RIMS2: variants seen among roughly 807,000 people sequenced by gnomAD.
RIMS2 encodes the protein regulating synaptic membrane exocytosis 2, also known as regulating synaptic membrane exocytosis protein 2.
Under a neutral mutation model 174.4 loss-of-function variants are expected in RIMS2, and 59 were observed. That is an observed-to-expected ratio of 0.34 (90% CI 0.27 to 0.42). The LOEUF (loss-of-function observed/expected upper bound fraction) is 0.42. Ranked by LOEUF, RIMS2 falls within the 10% of genes least tolerant of loss-of-function variation. The probability of loss-of-function intolerance (pLI) is 1.00; values close to 1 mark genes in which losing one functional copy is unlikely to be tolerated. For missense variants in RIMS2, 1,620 were observed against 1,666.3 expected (o/e 0.97, Z 0.48); for synonymous variants, 606 against 572.5 (o/e 1.06, Z -0.84).
chr8:103,957,132 A>G (rs1565521182), intron 14 of RIMS2, among the ~76,000 whole-genome samples: 1 of 152,150 alleles, frequency 6.6e-6, no homozygotes, highest in Non-Finnish European at 1.5e-5. Flanking sequence ...AGAAATAGGA[A>G]CGCTTTTACA....
intron 19 of RIMS2, among the ~76,000 whole-genome samples, chr8:104,123,379 G>A (rs1467274515): frequency 1.3e-5 from 2 of 151,814 alleles, no homozygotes; most frequent in Non-Finnish European, 2.9e-5. Flanking sequence ...GAATGCACTA[G>A]TTCATTCTAC....
intron 1 of RIMS2, among the ~76,000 whole-genome samples, chr8:103,635,810 G>C (rs1289582030): frequency 6.6e-6 from 1 of 152,166 alleles, no homozygotes; most frequent in African/African-American, 2.4e-5. Flanking sequence ...CCTAAAGGCT[G>C]GAATGGCTAA....
At chr8:103,566,629 A>G (rs1248756978) in intron 1 of RIMS2, among the ~76,000 whole-genome samples, 1 of 152,202 alleles carries the variant, frequency 6.6e-6, no homozygotes, top group Non-Finnish European at 1.5e-5. Flanking sequence ...ATCTAATTGT[A>G]TGCTAAATTT....
intron 2 of RIMS2, among the ~76,000 whole-genome samples, chr8:103,754,365 A>G (rs1019027352): frequency 6.6e-6 from 1 of 152,128 alleles, no homozygotes; most frequent in African/African-American, 2.4e-5. Context: ...GGTCAGTTTT[A>G]GAATAAGTGC....
At chr8:104,173,595 A>G (rs2098844885) in intron 19 of RIMS2, among the ~76,000 whole-genome samples, 1 of 131,124 alleles carries the variant, frequency 7.6e-6, no homozygotes, top group Non-Finnish European at 1.7e-5. Flanking sequence ...TAAAATATTT[A>G]CTACCTTAGC....
chr8:103,583,065 C>G (rs2093703923), intron 1 of RIMS2, among the ~76,000 whole-genome samples: 1 of 152,242 alleles, frequency 6.6e-6, no homozygotes, highest in Non-Finnish European at 1.5e-5. Flanking sequence ...TCACTCCACC[C>G]TCAGCTTTAG....
intron 11 of RIMS2, among the ~76,000 whole-genome samples, chr8:103,929,239 T>A (rs2154531274): frequency 6.6e-6 from 1 of 151,858 alleles, no homozygotes; most frequent in African/African-American, 2.4e-5. Context: ...TTGATAATAT[T>A]AGTAACTGAT....
rs530869290 is a variant in RIMS2, at chr8:104,223,921, C to T, written c.3335-20995C>T. Reference sequence around the variant, plus strand: ...GCCCCTCTGCTCTCCGGGACTGTGCCGGGGGCGACAGCCCTAGAGCACGTC... The same window carrying T: ...GCCCCTCTGCTCTCCGGGACTGTGCTGGGGGCGACAGCCCTAGAGCACGTC... On this transcript the variant is annotated intron_variant, in intron 19 of 23. Coordinates refer to ENST00000504942, the Ensembl canonical transcript of RIMS2. The T allele has an allele frequency of 3.4e-5, 25 of 739,158 alleles. No individual in the cohort carries two copies. The Admixed American group carries it at 4.5e-4, about 13-fold the overall frequency. 45.8% of individuals were successfully genotyped at this position (739,158 alleles called of 1,614,324 possible).
At chr8:104,244,917 A>T (rs758576072) in exon 20 of RIMS2, 2 of 1,613,252 alleles carry the variant, frequency 1.2e-6, no homozygotes, top group Non-Finnish European at 1.7e-6. Flanking sequence ...TCTCTGCAGA[A>T]GCAGGAGGTA....
At chr8:104,086,501 A>G (rs1471766518) in intron 19 of RIMS2, among the ~76,000 whole-genome samples, 5 of 152,086 alleles carry the variant, frequency 3.3e-5, no homozygotes, top group African/African-American at 1.2e-4. Flanking sequence ...GAAGCTGATT[A>G]CTAATAGACA....
At chr8:103,515,885 G>A (rs759964066) in intron 1 of RIMS2, among the ~76,000 whole-genome samples, 1 of 151,972 alleles carries the variant, frequency 6.6e-6, no homozygotes, top group Non-Finnish European at 1.5e-5. Context: ...AGTGGCTATA[G>A]TGTCAGTTAT....
At chr8:103,518,131 T>C (rs1386827470) in intron 1 of RIMS2, among the ~76,000 whole-genome samples, 1 of 152,140 alleles carries the variant, frequency 6.6e-6, no homozygotes, top group African/African-American at 2.4e-5. Flanking sequence ...ATTTTAATTA[T>C]GAATGTGTCA....
At chr8:103,753,162 CA>C (rs201815482) in intron 2 of RIMS2, among the ~76,000 whole-genome samples, 17,585 of 152,052 alleles carry the variant, frequency 0.12, 1,347 homozygotes, top group Non-Finnish European at 0.17. Flanking sequence ...TGAATTTTGT[CA>C]AAGGCCTTTT....
At chr8:104,068,556 A>T in intron 19 of RIMS2, 3 of 1,573,284 alleles carry the variant, frequency 1.9e-6, no homozygotes, top group Non-Finnish European at 2.6e-6. Flanking sequence ...GAAAATTAAC[A>T]AATACAAACA....
chr8:103,951,031 A>G (rs1565486019), intron 14 of RIMS2, among the ~76,000 whole-genome samples: 1 of 152,250 alleles, frequency 6.6e-6, no homozygotes, highest in Non-Finnish European at 1.5e-5. Context: ...ACAATCAAGT[A>G]TTCTTTATCC....
intron 1 of RIMS2, among the ~76,000 whole-genome samples, chr8:103,681,238 G>A (rs1043327458): frequency 6.6e-6 from 1 of 151,700 alleles, no homozygotes; most frequent in African/African-American, 2.4e-5. Flanking sequence ...TGTAGAATAG[G>A]GACAATAATA....
At chr8:103,663,626 T>C (rs1287544983) in intron 1 of RIMS2, among the ~76,000 whole-genome samples, 2 of 151,858 alleles carry the variant, frequency 1.3e-5, no homozygotes, top group Non-Finnish European at 2.9e-5. Flanking sequence ...CTCAACGAAA[T>C]AAAAGAGGAC....
At chr8:104,086,266 G>GTTTTTT (rs377670155) in intron 19 of RIMS2, among the ~76,000 whole-genome samples, 2 of 112,950 alleles carry the variant, frequency 1.8e-5, no homozygotes, top group African/African-American at 6.9e-5. Context: ...GTTCTGGTGG[G>GTTTTTT]TTTTTTTTTT....
intron 19 of RIMS2, among the ~76,000 whole-genome samples, chr8:104,202,345 TG>T (rs2099059204): frequency 6.6e-6 from 1 of 152,218 alleles, no homozygotes; most frequent in African/African-American, 2.4e-5. Flanking sequence ...TTGTGCAAGA[TG>T]TTTTTTAAAA....
Sources: allele counts gnomAD v4.1 joint callset (sites outside exome capture counted in the v4.1 genomes callset), GRCh38; gene constraint gnomAD v4.1.1; transcripts MANE v1.5; gene names NCBI Gene and HGNC (gene_info 2026-07-23, HGNC 2026-07-21).